WDSUB1: variants seen among roughly 807,000 people sequenced by gnomAD.
WDSUB1 encodes WD repeat, SAM and U-box domain-containing protein 1.
A neutral mutation model predicts 53.9 loss-of-function variants in WDSUB1; 49 were observed. The observed-to-expected ratio is 0.91, with a 90% CI of 0.72 to 1.15. The LOEUF is 1.15. Among genes scored for constraint, WDSUB1 ranks in the 50% most tolerant of loss-of-function variants. WDSUB1 has a pLI of 0.00. For missense variants in WDSUB1, 514 were observed against 562.0 expected, an observed-to-expected ratio of 0.91 and a Z score of 0.86; for synonymous variants, 194 against 200.6, an observed-to-expected ratio of 0.97 and a Z score of 0.28.
At chr2:159,238,598 G>GCTAT (rs1270736763) in intron 10 of WDSUB1, among the ~76,000 whole-genome samples, 4 of 152,156 alleles carry the variant, frequency 2.6e-5, no homozygotes, top group Admixed American at 2.6e-4. Context: ...GATTTTAAAT[G>GCTAT]CTATCTTTAT....
intron 10 of WDSUB1, among the ~76,000 whole-genome samples, 168 bp downstream of exon 10, chr2:159,248,204 A>G (rs1350195422): frequency 1.3e-5 from 2 of 151,974 alleles, no homozygotes; most frequent in African/African-American, 4.8e-5. Context: ...ACTCTGTTCA[A>G]TTTCATTATG....
intron 10 of WDSUB1, among the ~76,000 whole-genome samples, chr2:159,244,869 G>A (rs1452668824): frequency 6.6e-6 from 1 of 152,216 alleles, no homozygotes; most frequent in Non-Finnish European, 1.5e-5. Flanking sequence ...GGTCGAAACT[G>A]CAGTGAGTTA....
intron 2 of WDSUB1, among the ~76,000 whole-genome samples, chr2:159,281,598 G>A (rs2061664964): frequency 6.6e-6 from 1 of 152,132 alleles, no homozygotes; most frequent in African/African-American, 2.4e-5. Flanking sequence ...CTTCTTCTGG[G>A]CTTGGTCATT....
At chr2:159,253,249 T>C (rs1370403665) in intron 9 of WDSUB1, among the ~76,000 whole-genome samples, 1 of 152,232 alleles carries the variant, frequency 6.6e-6, no homozygotes, top group Non-Finnish European at 1.5e-5. Context: ...GACATATCCC[T>C]CTCAACATCA....
At chr2:159,238,966 G>A (rs2060566247) in intron 10 of WDSUB1, among the ~76,000 whole-genome samples, 1 of 152,054 alleles carries the variant, frequency 6.6e-6, no homozygotes, top group Non-Finnish European at 1.5e-5. Flanking sequence ...ATGTAGGGTT[G>A]AAAGTTTTAC....
intron 10 of WDSUB1, among the ~76,000 whole-genome samples, chr2:159,237,084 C>T (rs1428516848): frequency 6.6e-6 from 1 of 152,152 alleles, no homozygotes; most frequent in Non-Finnish European, 1.5e-5. Context: ...CAGTACATAT[C>T]ACTGTTTCAA....
chr2:159,256,391 CAAGT>C lies in WDSUB1; in HGVS notation c.953-20_953-17del, dbSNP rs776055584. On this transcript the variant is annotated splice_polypyrimidine_tract_variant and intron_variant, in intron 8 of 10. Coordinates refer to ENST00000359774, the MANE Select transcript of WDSUB1 (RefSeq NM_001128212.3). ...GTGCGCCTTGCTTAAAATAAACAAACAAGTAAGTGAGATAACAAAAAAGTATTTC... is the reference window on the plus strand; with the variant it reads ...GTGCGCCTTGCTTAAAATAAACAAACAAGTGAGATAACAAAAAAGTATTTC... The C allele has an allele frequency of 1.2e-4, 186 of 1,589,258 alleles. 1 individual carries two copies. The highest frequency in any genetic ancestry group is 6.7e-4 in the Middle Eastern group (4 of 6,004).
Position 159,272,147 on chromosome 2 carries a change from T to C in WDSUB1, c.677-352A>G, listed in dbSNP as rs565910753. Among the ~76,000 whole-genome samples the C allele has an allele frequency of 4.6e-5, 7 of 152,282 alleles. No homozygotes were observed. In the South Asian group the frequency reaches 1.5e-3, roughly 32 times the overall value. ...CAGCCCGCTGCGTACATACAGGTGG[T>C]AGAGGTTTAGTATGTGCAAAATCAC... On this transcript the variant is annotated intron_variant, in intron 4 of 10. Coordinates refer to ENST00000359774, the MANE Select transcript of WDSUB1 (RefSeq NM_001128212.3).
Position 159,248,440 on chromosome 2 carries a change from G to A in WDSUB1, c.1205C>T (p.Ser402Leu), listed in dbSNP as rs144366158. ...ACATATAAATTCATCAGGAATTCCT[G>A]AAGAAAGGGATTTAACCTTGGTCCT... The part of the protein sequence containing the change: ...ELRTKVKSLS[S>L]GIPDEFICPI... Residue 402 changes from serine to leucine, a missense_variant, in exon 10 of 11, where the codon TCA becomes TTA. Ser to Leu is a moderately radical substitution (Grantham distance 145). Transcript: ENST00000359774. 3 of 1,606,824 alleles carry A rather than the reference G, an allele frequency of 1.9e-6. No homozygotes were observed. Among genetic ancestry groups the A allele is most frequent in the South Asian group, 2.2e-5 (2 of 89,444 alleles).
At chr2:159,284,762 C>T (rs899276431) in intron 1 of WDSUB1, among the ~76,000 whole-genome samples, 3 of 152,214 alleles carry the variant, frequency 2.0e-5, no homozygotes, top group African/African-American at 7.2e-5. Context: ...CCTATACAGT[C>T]TTATGTAATC....
Position 159,257,540 on chromosome 2 carries a change from T to C in WDSUB1, c.952+218A>G, listed in dbSNP as rs538885380. ...TAGCGGGGATTATAAGCATGCACCA[T>C]CATGCTGAGCTACTTTTTTGTATTT... On this transcript the variant is annotated intron_variant, in intron 8 of 10. Transcript: ENST00000359774. 2.3e-4 allele frequency among the ~76,000 whole-genome samples: 35 copies of C among 152,086 alleles called. 1 individual carries two copies. The highest frequency in any genetic ancestry group is 8.2e-4 in the African/African-American group (34 of 41,496).
chr2:159,241,266 T>C (rs2060638623), intron 10 of WDSUB1, among the ~76,000 whole-genome samples: 2 of 152,236 alleles, frequency 1.3e-5, no homozygotes, highest in Admixed American at 1.3e-4. Context: ...TTTTAGGTTT[T>C]CTGTAATTCT....
intron 10 of WDSUB1, 99 bp downstream of exon 10, chr2:159,248,273 A>T: frequency 7.0e-7 from 1 of 1,428,356 alleles, no homozygotes. Context: ...AAAACTACTT[A>T]AAATTCTTCA....
At chr2:159,266,990 CTCAAA>C (rs1352680159) in intron 5 of WDSUB1, among the ~76,000 whole-genome samples, 1 of 151,240 alleles carries the variant, frequency 6.6e-6, no homozygotes, top group Non-Finnish European at 1.5e-5. Context: ...CCAGGCTGGT[CTCAAA>C]CTCCTGGGCG....
At chr2:159,246,418 C>T (rs145774718) in intron 10 of WDSUB1, among the ~76,000 whole-genome samples, 11,377 of 124,212 alleles carry the variant, frequency 0.092, 1,008 homozygotes, top group African/African-American at 0.23. Context: ...GGCAACAGAG[C>T]GAGAGTCTGT....
intron 5 of WDSUB1, among the ~76,000 whole-genome samples, chr2:159,263,166 C>T (rs2061261514): frequency 6.6e-6 from 1 of 152,188 alleles, no homozygotes; most frequent in Non-Finnish European, 1.5e-5. Flanking sequence ...AGATCCGTGA[C>T]ATCGCAGTGA....
At chr2:159,282,432 TCCG>T (rs1369435714) in intron 2 of WDSUB1, among the ~76,000 whole-genome samples, 2 of 149,874 alleles carry the variant, frequency 1.3e-5, no homozygotes, top group Admixed American at 1.3e-4. Flanking sequence ...GACCTCGTGA[TCCG>T]CCTGCCTTGG....
chr2:159,255,416 G>A (rs1354598920), intron 9 of WDSUB1, among the ~76,000 whole-genome samples: 1 of 152,100 alleles, frequency 6.6e-6, no homozygotes, highest in African/African-American at 2.4e-5. Context: ...GCAGTGAACC[G>A]AGATCGCGCC....
chr2:159,264,385 C>T (rs1317101483), intron 5 of WDSUB1, among the ~76,000 whole-genome samples: 1 of 152,208 alleles, frequency 6.6e-6, no homozygotes, highest in Non-Finnish European at 1.5e-5. Flanking sequence ...TAACGTTAAG[C>T]CTTCTTCAGC....
Sources: gnomAD v4.1 joint callset for allele counts (sites outside exome capture counted in the v4.1 genomes callset) on GRCh38, gnomAD v4.1.1 for gene constraint, MANE v1.5 for transcripts, NCBI Gene and HGNC (gene_info 2026-07-23, HGNC 2026-07-21) for gene names.